Variants in CCRL2 observed in about 807,000 individuals in gnomAD.
The protein encoded by CCRL2 is C-C chemokine receptor-like 2.
For missense variants in CCRL2, 451 were observed against 412.4 expected (o/e 1.09, Z -0.81); for synonymous variants, 181 against 165.6 (o/e 1.09, Z -0.71).
Position 46,408,223 on chromosome 3 carries a change from G to A in CCRL2, c.144G>A (p.Val48=). 6.2e-7 allele frequency: 1 copy of A among 1,614,186 alleles called. No homozygotes were observed. Among genetic ancestry groups the A allele is most frequent in the South Asian group, 1.1e-5 (1 of 91,068 alleles). ...TGGTGCCATCACTCTGCTCTGCTGT[G>A]TTTGTGATCGGTGTCCTGGACAATC... ...AQLVPSLCSA[V]FVIGVLDNLL... The change falls in exon 2 of 2, where the codon GTG becomes GTA. Residue 48 remains valine (V), a synonymous_variant. Coordinates refer to ENST00000399036, the MANE Select transcript of CCRL2 (RefSeq NM_003965.5).
In CCRL2 at chr3:46,408,140, G is replaced by T; in HGVS notation, c.61G>T (p.Glu21Ter). 6.2e-7 allele frequency: 1 copy of T among 1,607,250 alleles called. No homozygotes were observed. The change falls in exon 2 of 2, where the codon GAG (glutamate) becomes TAG (stop). Residue 21 changes from glutamate (E) to a stop codon, truncating the protein, a stop_gained. Transcript: ENST00000399036. LOFTEE classifies it low-confidence loss of function (END_TRUNC). ...EYDVLIEGEL[E>*]SDEAEQCDKY... The stretch of plus-strand genomic sequence containing the variant: ...TGATGTCCTCATAGAAGGTGAACTG[G>T]AGAGCGATGAGGCAGAGCAATGTGA...
In CCRL2 at chr3:46,407,497, C is replaced by A; in HGVS notation, c.-18C>A. ...CGCCCTTCCCCTGCAGGAGCTCAGC[C>A]CAGTGGTAAGTCATCTGTGTGTCAT... On this transcript the variant is annotated 5_prime_UTR_variant, in exon 1 of 2. Coordinates refer to ENST00000399036, the MANE Select transcript of CCRL2 (RefSeq NM_003965.5). 1.6e-6 allele frequency: 1 copy of A among 628,252 alleles called. No individual in the cohort carries two copies. The highest frequency in any genetic ancestry group is 3.3e-5 in the Admixed American group (1 of 30,262). The allele number at this position is 628,252 out of a possible 1,614,324, so 38.9% of individuals were successfully genotyped here. A position where few individuals can be genotyped will look rare whatever the true frequency, so the allele number is the denominator to read the frequency against.
chr3:46,409,272 C>A lies in CCRL2; in HGVS notation c.*158C>A. 2 of 705,506 alleles carry A rather than the reference C, an allele frequency of 2.8e-6. No homozygotes were observed. 43.7% of individuals were successfully genotyped at this position (705,506 alleles called of 1,614,324 possible). ...TAAGCACTGAATTTGTCTCAGGCAC[C>A]GTGCAAGGCTCTTTACAAACGTGAG... is the stretch of plus-strand genomic sequence containing the variant. On this transcript the variant is annotated 3_prime_UTR_variant, in exon 2 of 2. Transcript: ENST00000399036.
rs1702061217 is a variant in CCRL2 at position 46,407,375 on chromosome 3, C to G, written c.-140C>G. 5.0e-6 allele frequency: 2 copies of G among 398,178 alleles called. No homozygotes were observed. The highest frequency in any genetic ancestry group is 4.8e-5 in the Admixed American group (1 of 21,020). 24.7% of individuals were successfully genotyped at this position (398,178 alleles called of 1,614,324 possible). A position where few individuals can be genotyped will look rare whatever the true frequency, so the allele number is the denominator to read the frequency against. ...CCACCAGGGGAATCAACAGTGGTTT[C>G]TCGTGCCCCTCAGGGTCAGGAGCAG... On this transcript the variant is annotated 5_prime_UTR_variant, in exon 1 of 2. Transcript: ENST00000399036.
Position 46,408,695 on chromosome 3 carries a change from A to G in CCRL2, c.616A>G (p.Ile206Val), listed in dbSNP as rs753109535. The stretch of plus-strand genomic sequence containing the variant: ...GCATTTTCTGACTTTAAAAATGAAC[A>G]TTTCGGTTCTTGTCCTCCCCCTATT... The part of the protein sequence containing the change: ...WKHFLTLKMN[I>V]SVLVLPLFIF... The change falls in exon 2 of 2, where the codon ATT becomes GTT. Residue 206 changes from isoleucine to valine, a missense_variant. Ile to Val is a conservative substitution (Grantham distance 29). Transcript: ENST00000399036. The G allele has an allele frequency of 1.9e-6, 3 of 1,614,162 alleles. No individual in the cohort carries two copies. Among genetic ancestry groups the G allele is most frequent in the South Asian group, 1.1e-5 (1 of 91,078 alleles).
rs558123046 is a variant in CCRL2 at position 46,407,378 on chromosome 3, G to T, written c.-137G>T. On this transcript the variant is annotated 5_prime_UTR_variant, in exon 1 of 2. Coordinates refer to ENST00000399036, the MANE Select transcript of CCRL2 (RefSeq NM_003965.5). ...CCAGGGGAATCAACAGTGGTTTCTC[G>T]TGCCCCTCAGGGTCAGGAGCAGTCT... 1 of 399,174 alleles carries T rather than the reference G, an allele frequency of 2.5e-6. No individual in the cohort carries two copies. The highest frequency in any genetic ancestry group is 4.4e-6 in the Non-Finnish European group (1 of 227,378). 24.7% of individuals were successfully genotyped at this position (399,174 alleles called of 1,614,324 possible).
Position 46,408,165 on chromosome 3 carries a change from A to G in CCRL2, c.86A>G (p.Asp29Gly). 1 of 1,611,834 alleles carries G rather than the reference A, an allele frequency of 6.2e-7. No individual in the cohort carries two copies. Residue 29 changes from aspartate (D) to glycine (G), a missense_variant, in exon 2 of 2, where the codon GAC becomes GGC. Physicochemically the swap from Asp to Gly is moderately conservative, Grantham distance 94 (BLOSUM62 -1). Coordinates refer to ENST00000399036, the MANE Select transcript of CCRL2 (RefSeq NM_003965.5). ...ELESDEAEQC[D>G]KYDAQALSAQ... is the part of the protein sequence containing the mutation. ...GAGAGCGATGAGGCAGAGCAATGTG[A>G]CAAGTATGACGCCCAGGCACTCTCA...
In CCRL2 at chr3:46,408,398, A is replaced by G; in HGVS notation, c.319A>G (p.Ile107Val). 1 of 1,614,180 alleles carries G rather than the reference A, an allele frequency of 6.2e-7. No individual in the cohort carries two copies. Among genetic ancestry groups the G allele is most frequent in the South Asian group, 1.1e-5 (1 of 91,088 alleles). The stretch of plus-strand genomic sequence containing the variant: ...GGGCGATCCCATGTGTAAAATTCTC[A>G]TTGGACTGTACTTCGTGGGCCTGTA... The part of the protein sequence containing the change: ...AGGDPMCKIL[I>V]GLYFVGLYSE... Residue 107 changes from isoleucine (I) to valine (V), a missense_variant, in exon 2 of 2, where the codon ATT becomes GTT. Coordinates refer to ENST00000399036, the MANE Select transcript of CCRL2 (RefSeq NM_003965.5).
rs776112051 is a variant in CCRL2 at position 46,408,861 on chromosome 3, C to A, written c.782C>A (p.Ser261Tyr). 44 of 1,614,160 alleles carry A rather than the reference C, an allele frequency of 2.7e-5. No homozygotes were observed. In the South Asian group the frequency reaches 4.6e-4, roughly 17 times the overall value. The stretch of plus-strand genomic sequence containing the variant: ...CCCTACAATATTGCATTTTTCCTGT[C>A]CACTTTCAAAGAACACTTCTCCCTG... ...WAPYNIAFFL[S>Y]TFKEHFSLSD... The change falls in exon 2 of 2, where the codon TCC becomes TAC. Residue 261 changes from serine (S) to tyrosine (Y), a missense_variant. Physicochemically the swap from Ser to Tyr is moderately radical, Grantham distance 144. Transcript: ENST00000399036.
chr3:46,408,640 C>T lies in CCRL2; in HGVS notation c.561C>T (p.Pro187=). Residue 187 remains proline (P), a synonymous_variant, in exon 2 of 2, where the codon CCC becomes CCT. Transcript: ENST00000399036. ...QKYKCAFSRT[P]FLPADETFWK... Reference sequence around the variant, plus strand: ...ACAAGTGTGCATTTAGCAGAACTCCCTTCCTGCCAGCTGATGAGACATTCT... The same window carrying T: ...ACAAGTGTGCATTTAGCAGAACTCCTTTCCTGCCAGCTGATGAGACATTCT... The T allele has an allele frequency of 1.2e-6, 2 of 1,614,180 alleles. No individual in the cohort carries two copies. Among genetic ancestry groups the T allele is most frequent in the Non-Finnish European group, 1.7e-6 (2 of 1,180,024 alleles).
At chr3:46,407,830 C>G in intron 1 of CCRL2, 1 of 756,602 alleles carries the variant, frequency 1.3e-6, no homozygotes, top group Non-Finnish European at 2.2e-6. Context: ...CCCGTGGCAC[C>G]TGGCACACTG....
At chr3:46,407,621 C>T in intron 1 of CCRL2, 119 bp downstream of exon 1, 1 of 1,496,704 alleles carries the variant, frequency 6.7e-7, no homozygotes. Flanking sequence ...TCTCAGCTGT[C>T]ACAGGAAGCT....
In CCRL2 at chr3:46,407,347, G is replaced by A; in HGVS notation, c.-168G>A. ...CTGAGCTCGGTGAGTGGGGCGGGTA[G>A]AGCCACCAGGGGAATCAACAGTGGT... On this transcript the variant is annotated 5_prime_UTR_variant, in exon 1 of 2. Coordinates refer to ENST00000399036, the MANE Select transcript of CCRL2 (RefSeq NM_003965.5). 3.0e-6 allele frequency: 1 copy of A among 338,308 alleles called. No homozygotes were observed. The highest frequency in any genetic ancestry group is 5.3e-6 in the Non-Finnish European group (1 of 189,094). The allele number at this position is 338,308 out of a possible 1,614,324, so 21.0% of individuals were successfully genotyped here.
At position 46,409,371 on chromosome 3, in the gene CCRL2, G is replaced by C. The variant is rs1004530299; in HGVS notation, c.*257G>C. The C allele has an allele frequency of 2.1e-6, 1 of 486,460 alleles. No homozygotes were observed. Among genetic ancestry groups the C allele is most frequent in the Non-Finnish European group, 3.8e-6 (1 of 266,534 alleles). 30.1% of individuals were successfully genotyped at this position (486,460 alleles called of 1,614,324 possible). On this transcript the variant is annotated 3_prime_UTR_variant, in exon 2 of 2. Coordinates refer to ENST00000399036, the MANE Select transcript of CCRL2 (RefSeq NM_003965.5). ...ATTTCTCTGAGAAGAAAACTAAGGC[G>C]CGGAAATTTGTCTAAGATCACATAA...
Position 46,409,276 on chromosome 3 carries a change from C to A in CCRL2, c.*162C>A. On this transcript the variant is annotated 3_prime_UTR_variant, in exon 2 of 2. Coordinates refer to ENST00000399036, the MANE Select transcript of CCRL2 (RefSeq NM_003965.5). ...CACTGAATTTGTCTCAGGCACCGTGCAAGGCTCTTTACAAACGTGAGCTCC... is the reference window on the plus strand; with the variant it reads ...CACTGAATTTGTCTCAGGCACCGTGAAAGGCTCTTTACAAACGTGAGCTCC... 1 of 696,648 alleles carries A rather than the reference C, an allele frequency of 1.4e-6. No homozygotes were observed. Among genetic ancestry groups the A allele is most frequent in the Non-Finnish European group, 2.4e-6 (1 of 409,898 alleles). 43.2% of individuals were successfully genotyped at this position (696,648 alleles called of 1,614,324 possible). A position where few individuals can be genotyped will look rare whatever the true frequency, so the allele number is the denominator to read the frequency against.
chr3:46,408,362 G>A lies in CCRL2; in HGVS notation c.283G>A (p.Ala95Thr). Reference sequence around the variant, plus strand: ...TTTCTTGCTTACCCTGCCCTTCTGGGCTCATGCTGGGGGCGATCCCATGTG... The same window carrying A: ...TTTCTTGCTTACCCTGCCCTTCTGGACTCATGCTGGGGGCGATCCCATGTG... ...LCFLLTLPFWAHAGGDPMCKI... is the reference protein window; with the variant it reads ...LCFLLTLPFWTHAGGDPMCKI... Residue 95 changes from alanine to threonine, a missense_variant, in exon 2 of 2, where the codon GCT becomes ACT. Transcript: ENST00000399036. 1 of 1,614,228 alleles carries A rather than the reference G, an allele frequency of 6.2e-7. No individual in the cohort carries two copies. Among genetic ancestry groups the A allele is most frequent in the Non-Finnish European group, 8.5e-7 (1 of 1,180,042 alleles).
chr3:46,407,381 C>T lies in CCRL2; in HGVS notation c.-134C>T. 2.5e-6 allele frequency: 1 copy of T among 405,732 alleles called. No homozygotes were observed. The highest frequency in any genetic ancestry group is 4.6e-5 in the South Asian group (1 of 21,732). 25.1% of individuals were successfully genotyped at this position (405,732 alleles called of 1,614,324 possible). ...GGGGAATCAACAGTGGTTTCTCGTG[C>T]CCCTCAGGGTCAGGAGCAGTCTGAT... On this transcript the variant is annotated 5_prime_UTR_variant, in exon 1 of 2. Transcript: ENST00000399036.
Position 46,408,376 on chromosome 3 carries a change from C to G in CCRL2, c.297C>G (p.Gly99=), listed in dbSNP as rs201907429. The G allele has an allele frequency of 1.2e-5, 20 of 1,614,058 alleles. No individual in the cohort carries two copies. The highest frequency in any genetic ancestry group is 1.7e-5 in the Non-Finnish European group (20 of 1,180,004). ...TGCCCTTCTGGGCTCATGCTGGGGG[C>G]GATCCCATGTGTAAAATTCTCATTG... ...LTLPFWAHAG[G]DPMCKILIGL... The change falls in exon 2 of 2, where the codon GGC becomes GGG. Residue 99 remains glycine, a synonymous_variant. Transcript: ENST00000399036.
chr3:46,408,700 G>T lies in CCRL2; in HGVS notation c.621G>T (p.Ser207=), dbSNP rs199579403. 1.9e-6 allele frequency: 3 copies of T among 1,614,112 alleles called. No individual in the cohort carries two copies. Among genetic ancestry groups the T allele is most frequent in the Non-Finnish European group, 2.5e-6 (3 of 1,180,032 alleles). Residue 207 remains serine (S), a synonymous_variant, in exon 2 of 2, where the codon TCG becomes TCT. Coordinates refer to ENST00000399036, the MANE Select transcript of CCRL2 (RefSeq NM_003965.5). ...TTCTGACTTTAAAAATGAACATTTC[G>T]GTTCTTGTCCTCCCCCTATTTATTT... ...KHFLTLKMNI[S]VLVLPLFIFT...
Sources: allele counts gnomAD v4.1 joint callset, GRCh38; gene constraint gnomAD v4.1.1; transcripts MANE v1.5; gene names NCBI Gene and HGNC (gene_info 2026-07-23, HGNC 2026-07-21).